FBN1: variants seen among roughly 807,000 people sequenced by gnomAD.
The protein encoded by FBN1 is fibrillin 1.
A neutral mutation model predicts 365.1 loss-of-function variants in FBN1; 29 were observed. The ratio of observed to expected loss-of-function variants is 0.08; its 90% CI spans 0.06 to 0.11. The LOEUF (loss-of-function observed/expected upper bound fraction) is 0.11, where lower values mean the gene tolerates loss of function less well. Ranked by LOEUF, FBN1 falls within the 10% of genes least tolerant of loss-of-function variation. FBN1 has a pLI of 1.00. For synonymous variants in FBN1, 1,210 were observed against 1,270.5 expected, an observed-to-expected ratio of 0.95 and a Z score of 1.01; for missense variants, 2,476 against 3,703.2, an observed-to-expected ratio of 0.67 and a Z score of 8.60.
intron 31 of FBN1, 69 bp from the exon 32 acceptor site, chr15:48,481,849 T>C (rs962968726): frequency 1.2e-5 from 18 of 1,449,770 alleles, no homozygotes; most frequent in African/African-American, 9.8e-5. Context: ...CCTCGAGACA[T>C]AATAACTATG....
At chr15:48,622,865 C>T (rs554193062) in intron 2 of FBN1, among the ~76,000 whole-genome samples, 6 of 152,296 alleles carry the variant, frequency 3.9e-5, no homozygotes, top group African/African-American at 1.4e-4. Context: ...ATTTTTATAT[C>T]AGCTCTTCCA....
At chr15:48,465,531 A>T in intron 40 of FBN1, 37 bp downstream of exon 40, 1 of 1,612,946 alleles carries the variant, frequency 6.2e-7, no homozygotes, top group East Asian at 2.2e-5. Context: ...AGTTCTTGAT[A>T]TCTGCAAGAC....
rs1457824719 is a variant in FBN1 at position 48,410,850 on chromosome 15, T to TA, written c.*139dup. On this transcript the variant is annotated 3_prime_UTR_variant, in exon 66 of 66. Transcript: ENST00000316623. ...AGTCACCTGTACCTTGCTTTGGTAA[T>TA]ACAAAGAATAGTGCTTATTTATACA... 5 of 868,592 alleles carry TA rather than the reference T, an allele frequency of 5.8e-6. No individual in the cohort carries two copies. The African/African-American group carries it at 8.5e-5, about 15-fold the overall frequency. 53.8% of individuals were successfully genotyped at this position (868,592 alleles called of 1,614,324 possible).
At chr15:48,579,216 T>C (rs888289234) in intron 6 of FBN1, among the ~76,000 whole-genome samples, 19 of 152,118 alleles carry the variant, frequency 1.2e-4, no homozygotes, top group Non-Finnish European at 2.1e-4. Flanking sequence ...TATCTGGATG[T>C]AGCAATTAGA....
rs1317459201 is a variant in FBN1 at position 48,484,040 on chromosome 15, A to G, written c.3713-97T>C. 84 of 1,244,058 alleles carry G rather than the reference A, an allele frequency of 6.8e-5. 1 individual carries two copies. Among genetic ancestry groups the G allele is most frequent in the African/African-American group, 8.8e-5 (6 of 67,922 alleles). The allele number at this position is 1,244,058 out of a possible 1,614,324, so 77.1% of individuals were successfully genotyped here. A position where few individuals can be genotyped will look rare whatever the true frequency, so the allele number is the denominator to read the frequency against. On this transcript the variant is annotated intron_variant, in intron 30 of 65. Transcript: ENST00000316623. ...GACCGCAGTCAAATAAACTTAGCCT[A>G]CTAGCATAAGACTATTAACTCTCAA...
In FBN1 at chr15:48,434,499, C is replaced by T. The variant is rs918529719; in HGVS notation, c.6616+95G>A. ...AGGCCTAGATGATCTTTATTATATACACCCTGAGTTGTATTTAATATTAAG... is the reference window on the plus strand; with the variant it reads ...AGGCCTAGATGATCTTTATTATATATACCCTGAGTTGTATTTAATATTAAG... On this transcript the variant is annotated intron_variant, in intron 54 of 65. Transcript: ENST00000316623. 27 of 1,499,932 alleles carry T rather than the reference C, an allele frequency of 1.8e-5. No homozygotes were observed. The East Asian group carries it at 4.1e-4, about 23-fold the overall frequency. 92.9% of individuals were successfully genotyped at this position (1,499,932 alleles called of 1,614,324 possible).
chr15:48,547,649 A>C (rs192260031), intron 6 of FBN1, among the ~76,000 whole-genome samples: 1 of 150,406 alleles, frequency 6.6e-6, no homozygotes, highest in Admixed American at 6.6e-5. Context: ...TATTTCTAGA[A>C]TTGGCTTTTT....
intron 45 of FBN1, among the ~76,000 whole-genome samples, chr15:48,451,230 C>T (rs1159748937): frequency 3.3e-5 from 5 of 152,176 alleles, no homozygotes; most frequent in Non-Finnish European, 7.4e-5. Flanking sequence ...ATATTATCAG[C>T]AATTCTTTAT....
intron 6 of FBN1, among the ~76,000 whole-genome samples, chr15:48,575,096 T>C (rs574904703): frequency 1.3e-5 from 2 of 152,332 alleles, no homozygotes; most frequent in Non-Finnish European, 2.9e-5. Context: ...ACACGAAGTA[T>C]AAACTCAAGT....
At chr15:48,636,107 T>TTAA (rs2140772668) in intron 2 of FBN1, among the ~76,000 whole-genome samples, 1 of 152,344 alleles carries the variant, frequency 6.6e-6, no homozygotes, top group African/African-American at 2.4e-5. Flanking sequence ...AAGGTAGGTC[T>TTAA]TAATAGTCCA....
At chr15:48,617,770 G>A (rs1376013181) in intron 2 of FBN1, among the ~76,000 whole-genome samples, 1 of 152,144 alleles carries the variant, frequency 6.6e-6, no homozygotes, top group Non-Finnish European at 1.5e-5. Context: ...CCTCTACCAC[G>A]TCTGACCACA....
rs2141228805 is a variant in FBN1, at chr15:48,427,573, C to T, written c.7198G>A (p.Gly2400Arg). 8.7e-6 allele frequency: 14 copies of T among 1,613,934 alleles called. No individual in the cohort carries two copies. The highest frequency in any genetic ancestry group is 1.2e-5 in the Non-Finnish European group (14 of 1,179,794). Residue 2400 changes from glycine to arginine, a missense_variant, in exon 58 of 66, where the codon GGA becomes AGA. Gly to Arg is a moderately radical substitution (Grantham distance 125, BLOSUM62 -2). Coordinates refer to ENST00000316623, the MANE Select transcript of FBN1 (RefSeq NM_000138.5). ...CPHGRGFMTN[G>R]ADIDECKVIH... is the part of the protein sequence containing the mutation. Reference sequence around the variant, plus strand: ...TGGACTATAAATGAAGTACCTGCTCCATTGGTCATGAATCCTCGGCCATGG... The same window carrying T: ...TGGACTATAAATGAAGTACCTGCTCTATTGGTCATGAATCCTCGGCCATGG...
intron 32 of FBN1, among the ~76,000 whole-genome samples, chr15:48,476,132 T>C (rs907720554): frequency 1.3e-5 from 2 of 152,164 alleles, no homozygotes; most frequent in African/African-American, 4.8e-5. Context: ...GGGATAACAG[T>C]GCTAAGTAGG....
chr15:48,452,413 TCCAA>T lies in FBN1; in HGVS notation c.5545+145_5545+148del. 26 of 908,890 alleles carry T rather than the reference TCCAA, an allele frequency of 2.9e-5. No homozygotes were observed. The Admixed American group carries it at 3.1e-4, about 11-fold the overall frequency. 56.3% of individuals were successfully genotyped at this position (908,890 alleles called of 1,614,324 possible). A position where few individuals can be genotyped will look rare whatever the true frequency, so the allele number is the denominator to read the frequency against. ...TAGATATTTTGACAATATCCCTTTT[TCCAA>T]TTTAGTTTAATATTAGAGTTCATCA... is the stretch of plus-strand genomic sequence containing the variant. On this transcript the variant is annotated intron_variant, in intron 45 of 65. Transcript: ENST00000316623.
chr15:48,577,490 T>C (rs897977659), intron 6 of FBN1, among the ~76,000 whole-genome samples: 7 of 152,150 alleles, frequency 4.6e-5, no homozygotes, highest in Non-Finnish European at 7.4e-5. Flanking sequence ...AGGGGGGGCA[T>C]TCAAACATCT....
At chr15:48,509,309 A>C (rs999287523) in intron 14 of FBN1, among the ~76,000 whole-genome samples, 40 of 151,604 alleles carry the variant, frequency 2.6e-4, no homozygotes, top group Admixed American at 2.6e-4. Context: ...TAAATTCATC[A>C]CTATGTTATT....
chr15:48,510,424 C>T (rs1273082166), intron 13 of FBN1, among the ~76,000 whole-genome samples: 1 of 152,178 alleles, frequency 6.6e-6, no homozygotes, highest in Admixed American at 6.5e-5. Context: ...AATCCGAAGT[C>T]TGTAAACAAA....
At chr15:48,621,886 T>C (rs1889775563) in intron 2 of FBN1, among the ~76,000 whole-genome samples, 1 of 150,346 alleles carries the variant, frequency 6.7e-6, no homozygotes, top group Admixed American at 6.6e-5. Flanking sequence ...TAGTCCCAGC[T>C]ACTCGGGAGG....
At position 48,610,715 on chromosome 15, in the gene FBN1, A is replaced by T. The variant is rs767864450; in HGVS notation, c.346+13T>A. The T allele has an allele frequency of 2.5e-6, 4 of 1,582,960 alleles. No individual in the cohort carries two copies. In the South Asian group the frequency reaches 4.4e-5, roughly 18 times the overall value. On this transcript the variant is annotated intron_variant, in intron 4 of 65. Transcript: ENST00000316623. ...ATAAAATAATATTATATATAATGAC[A>T]TGTTAGACTTACTGGATCTGGAGCC...
Sources: allele counts gnomAD v4.1 joint callset (sites outside exome capture counted in the v4.1 genomes callset), GRCh38; gene constraint gnomAD v4.1.1; transcripts MANE v1.5; gene names NCBI Gene and HGNC (gene_info 2026-07-23, HGNC 2026-07-21).